CFAP65: variants seen among roughly 807,000 people sequenced by gnomAD.
The protein encoded by CFAP65 is cilia- and flagella-associated protein 65.
A neutral mutation model predicts 208.0 loss-of-function variants in CFAP65; 155 were observed. The ratio of observed to expected loss-of-function variants is 0.75; its 90% CI spans 0.65 to 0.85. CFAP65 has a LOEUF of 0.85. CFAP65 is among the 40% of genes least tolerant of loss of function. The probability of loss-of-function intolerance (pLI) is 0.00; values close to 1 mark genes in which losing one functional copy is unlikely to be tolerated. For synonymous variants in CFAP65, 970 were observed against 986.3 expected, an observed-to-expected ratio of 0.98 and a Z score of 0.31; for missense variants, 2,294 against 2,451.3, an observed-to-expected ratio of 0.94 and a Z score of 1.36.
chr2:219,006,509 T>C lies in CFAP65; in HGVS notation c.4675A>G (p.Lys1559Glu), dbSNP rs534654234. 1.9e-6 allele frequency: 3 copies of C among 1,613,552 alleles called. No individual in the cohort carries two copies. In the African/African-American group the frequency reaches 4.0e-5, roughly 22 times the overall value. ...TCACAGGCTGTGCAGCATGTTCTCT[T>C]CTGTGGAAAAAGAGAGATCCTTGCT... is the stretch of plus-strand genomic sequence containing the variant. ...EFTITDMKVK[K>E]RTCCTACEPA... The change falls in exon 30 of 35, where the codon AAG becomes GAG. Residue 1559 changes from lysine (K) to glutamate (E), a missense_variant and splice_region_variant. Lys to Glu is a moderately conservative substitution (Grantham distance 56, BLOSUM62 1). This residue lies in a region of CFAP65 where 1,427 missense variants were observed against 1,438.7 expected (regional missense o/e 0.99). Transcript: ENST00000341552.
Position 219,035,481 on chromosome 2 carries a change from T to G in CFAP65, c.541A>C (p.Arg181=). ...RSLKLQKMKY[R]PPKTKFFFTV... ...GTCCTTGATCCCTTATACTGGTACCTGTACTTCATCTTCTGGAGTTTCAAG... is the reference window on the plus strand; with the variant it reads ...GTCCTTGATCCCTTATACTGGTACCGGTACTTCATCTTCTGGAGTTTCAAG... Residue 181 remains arginine (R), a splice_region_variant and synonymous_variant, in exon 5 of 35, where the codon AGG becomes CGG. Transcript: ENST00000341552. 6.2e-7 allele frequency: 1 copy of G among 1,614,132 alleles called. No individual in the cohort carries two copies. Among genetic ancestry groups the G allele is most frequent in the East Asian group, 2.2e-5 (1 of 44,872 alleles).
chr2:219,023,073 C>G (rs1947372846), intron 16 of CFAP65, 134 bp downstream of exon 16: 4 of 737,936 alleles, frequency 5.4e-6, no homozygotes, highest in Non-Finnish European at 9.4e-6. Flanking sequence ...ATAATAACAC[C>G]TCATCGCCAG....
At position 219,027,922 on chromosome 2, in the gene CFAP65, A is replaced by G. The variant is rs765486477; in HGVS notation, c.1939T>C (p.Phe647Leu). The part of the protein sequence containing the change: ...FFDGTSDITI[F>L]PPPISVEPVE... The stretch of plus-strand genomic sequence containing the variant: ...GGCTCTACACTGATGGGCGGGGGGA[A>G]GATGGTTATGTCGCTGGTGCCGTCG... The change falls in exon 13 of 35, where the codon TTC becomes CTC. Residue 647 changes from phenylalanine (F) to leucine (L), a missense_variant. By Grantham distance (22) the Phe-to-Leu change is conservative. Transcript: ENST00000341552. 9.2e-6 allele frequency: 14 copies of G among 1,523,964 alleles called. No homozygotes were observed. Among genetic ancestry groups the G allele is most frequent in the Non-Finnish European group, 1.2e-5 (14 of 1,135,966 alleles). The allele number at this position is 1,523,964 out of a possible 1,614,324, so 94.4% of individuals were successfully genotyped here.
At chr2:219,020,926 G>T (rs559849480) in intron 19 of CFAP65, among the ~76,000 whole-genome samples, 40 of 152,294 alleles carry the variant, frequency 2.6e-4, no homozygotes, top group African/African-American at 9.1e-4. Flanking sequence ...CAATAAGTCA[G>T]CACAGCTCCT....
At chr2:219,023,910 C>T (rs978690341) in intron 15 of CFAP65, 105 bp downstream of exon 15, 1 of 1,371,194 alleles carries the variant, frequency 7.3e-7, no homozygotes, top group Non-Finnish European at 1.0e-6. Context: ...GAGAAGTGGC[C>T]CCCTGGAAAT....
intron 3 of CFAP65, 87 bp from the exon 4 acceptor site, chr2:219,038,665 T>C: frequency 7.6e-7 from 1 of 1,322,002 alleles, no homozygotes; most frequent in Non-Finnish European, 1.1e-6. Flanking sequence ...ATCCTTGTCA[T>C]GGAGGAGAGG....
rs1946516412 is a variant in CFAP65 at position 219,011,925 on chromosome 2, G to C, written c.3958-929C>G. Among the ~76,000 whole-genome samples the C allele has an allele frequency of 2.6e-5, 4 of 152,336 alleles. No homozygotes were observed. The South Asian group carries it at 6.2e-4, about 24-fold the overall frequency. ...CTAATCCTCAATACAATAGTATTAA[G>C]AGATGATCAGGAGGTGATTCGGCCA... On this transcript the variant is annotated intron_variant, in intron 24 of 34. Transcript: ENST00000341552.
rs1948017753 is a variant in CFAP65, at chr2:219,031,379, G to A, written c.816-74C>T. ...TGCAGTAGCAAGTCAGGGATGCTGG[G>A]CAGAACCTCAGACTACCCTACCCCG... On this transcript the variant is annotated intron_variant, in intron 7 of 34. Transcript: ENST00000341552. The surrounding 1 kb of genome is among the most constrained non-coding windows in gnomAD (Gnocchi z 5.2). The A allele has an allele frequency of 1.2e-6, 2 of 1,604,786 alleles. No individual in the cohort carries two copies. The highest frequency in any genetic ancestry group is 1.7e-6 in the Non-Finnish European group (2 of 1,173,580).
intron 21 of CFAP65, chr2:219,015,613 T>C (rs1946823363): frequency 6.6e-6 from 1 of 152,260 alleles, no homozygotes; most frequent in Non-Finnish European, 1.5e-5. Flanking sequence ...CTCAACCTCT[T>C]GGACGGAAGT....
chr2:219,011,641 A>G (rs750528906), intron 24 of CFAP65, among the ~76,000 whole-genome samples: 81 of 152,006 alleles, frequency 5.3e-4, no homozygotes, highest in Non-Finnish European at 1.1e-3. Context: ...CTAAAGACCA[A>G]CTCCAAAGGT....
Position 219,038,227 on chromosome 2 carries a change from G to C in CFAP65, c.357+148C>G, listed in dbSNP as rs942635485. 4.4e-6 allele frequency: 3 copies of C among 678,642 alleles called. No homozygotes were observed. The East Asian group carries it at 8.2e-5, about 18-fold the overall frequency. 42.0% of individuals were successfully genotyped at this position (678,642 alleles called of 1,614,324 possible). On this transcript the variant is annotated intron_variant, in intron 4 of 34. Coordinates refer to ENST00000341552, the MANE Select transcript of CFAP65 (RefSeq NM_194302.4). ...TTCCTGAGTGACTCATGGAAGAAAG[G>C]TGACAAGGAAAGTCTAGACAAGGTC... is the stretch of plus-strand genomic sequence containing the variant.
chr2:219,038,663 C>T (rs1574663962), intron 3 of CFAP65, 85 bp from the exon 4 acceptor site: 7 of 1,330,846 alleles, frequency 5.3e-6, no homozygotes, highest in Non-Finnish European at 6.4e-6. Flanking sequence ...CCATCCTTGT[C>T]ATGGAGGAGA....
chr2:219,027,538 C>T (rs986152833), intron 13 of CFAP65, 112 bp downstream of exon 13: 2 of 1,612,080 alleles, frequency 1.2e-6, no homozygotes, highest in Admixed American at 1.7e-5. Flanking sequence ...GAAAGCCTGG[C>T]ACGCAGAGGA....
At chr2:219,010,488 C>G (rs1471691895) in intron 26 of CFAP65, 58 bp downstream of exon 26, 7 of 1,561,664 alleles carry the variant, frequency 4.5e-6, no homozygotes, top group Non-Finnish European at 6.0e-6. Flanking sequence ...GTCTGGCCAC[C>G]CTGGGCTCTG....
chr2:219,011,127 C>T (rs936827274), intron 24 of CFAP65, 131 bp from the exon 25 acceptor site: 31 of 739,868 alleles, frequency 4.2e-5, no homozygotes, highest in South Asian at 2.3e-5. Context: ...TGTGAGCTCC[C>T]GTGTGGCTTG....
intron 10 of CFAP65, 73 bp from the exon 11 acceptor site, chr2:219,029,741 C>T: frequency 6.4e-7 from 1 of 1,552,366 alleles, no homozygotes; most frequent in Non-Finnish European, 8.8e-7. Context: ...GGAGGTGGTA[C>T]TCTCAGGGCC....
chr2:219,021,137 A>AG lies in CFAP65; in HGVS notation c.3259+14dup. ...TTCCCCGGCCCCGACTCTCTATGCC[A>AG]GGCAGTCTAGGTACCTCTGTGGGAA... On this transcript the variant is annotated intron_variant, in intron 19 of 34. Coordinates refer to ENST00000341552, the MANE Select transcript of CFAP65 (RefSeq NM_194302.4). 3.3e-6 allele frequency: 5 copies of AG among 1,511,786 alleles called. No homozygotes were observed. Among genetic ancestry groups the AG allele is most frequent in the Non-Finnish European group, 4.4e-6 (5 of 1,125,016 alleles). The allele number at this position is 1,511,786 out of a possible 1,614,324, so 93.6% of individuals were successfully genotyped here. A position where few individuals can be genotyped will look rare whatever the true frequency, so the allele number is the denominator to read the frequency against.
intron 14 of CFAP65, 22 bp downstream of exon 14, chr2:219,026,000 C>T (rs2106198979): frequency 6.2e-7 from 1 of 1,611,748 alleles, no homozygotes; most frequent in Non-Finnish European, 8.5e-7. Context: ...CTCCCTCCCA[C>T]TGCTGTTGGG....
chr2:219,017,089 T>A (rs1946944400), intron 21 of CFAP65, among the ~76,000 whole-genome samples: 1 of 152,234 alleles, frequency 6.6e-6, no homozygotes, highest in South Asian at 2.1e-4. Context: ...AACAGGAGGC[T>A]AGTCTGCAGC....
Sources: allele counts gnomAD v4.1 joint callset (sites outside exome capture counted in the v4.1 genomes callset), GRCh38; gene constraint gnomAD v4.1.1; regional missense constraint gnomAD v4.1.1; non-coding constraint Gnocchi (gnomAD v3.1); transcripts MANE v1.5; gene names NCBI Gene and HGNC (gene_info 2026-07-23, HGNC 2026-07-21).